Variants in SOX5 observed in about 807,000 individuals in gnomAD.
SOX5 encodes the protein transcription factor SOX-5.
In SOX5, 9 loss-of-function variants were observed where a neutral mutation model predicts 92.0. That is an observed-to-expected ratio of 0.10 (90% confidence interval 0.06 to 0.17). The LOEUF (loss-of-function observed/expected upper bound fraction) is 0.17. SOX5 is among the 10% of genes least tolerant of loss of function. The pLI is 1.00. For synonymous variants in SOX5, 344 were observed against 336.3 expected, an observed-to-expected ratio of 1.02 and a Z score of -0.25; for missense variants, 642 against 944.5, an observed-to-expected ratio of 0.68 and a Z score of 4.20.
intron 4 of SOX5, among the ~76,000 whole-genome samples, chr12:24,211,103 T>A (rs17495963): frequency 0.032 from 4,866 of 152,236 alleles, 116 homozygotes; most frequent in Middle Eastern, 0.051. Context: ...CCACTGCCCT[T>A]GCCATTCCTT....
chr12:24,287,750 G>T (rs1029314715), intron 2 of SOX5, among the ~76,000 whole-genome samples: 1 of 151,756 alleles, frequency 6.6e-6, no homozygotes, highest in African/African-American at 2.4e-5. Context: ...TTACTTAAGC[G>T]ATCTGATTTG....
At chr12:24,302,891 T>C (rs1948140733) in intron 2 of SOX5, among the ~76,000 whole-genome samples, 1 of 151,922 alleles carries the variant, frequency 6.6e-6, no homozygotes, top group Admixed American at 6.6e-5. Flanking sequence ...GAAAATGAAA[T>C]TGCTGACTTC....
chr12:23,734,782 C>T (rs568828921), intron 5 of SOX5, 30 bp from the exon 6 acceptor site: 2 of 1,585,784 alleles, frequency 1.3e-6, no homozygotes, highest in East Asian at 2.2e-5. Context: ...GAGAAATTTA[C>T]AAGTATATTG....
chr12:24,406,844 AAGG>A (rs1963067596), intron 1 of SOX5, among the ~76,000 whole-genome samples: 2 of 152,280 alleles, frequency 1.3e-5, no homozygotes, highest in South Asian at 2.1e-4. Context: ...AAAGAAACAG[AAGG>A]AGATGAAAAA....
chr12:24,479,854 C>T (rs568174751), intron 1 of SOX5, among the ~76,000 whole-genome samples: 7 of 152,062 alleles, frequency 4.6e-5, no homozygotes, highest in African/African-American at 9.6e-5. Context: ...TTAGTAGAAG[C>T]GGGGTTTTAC....
intron 2 of SOX5, among the ~76,000 whole-genome samples, chr12:23,868,164 C>T (rs2096835777): frequency 6.6e-6 from 1 of 151,594 alleles, no homozygotes; most frequent in Non-Finnish European, 1.5e-5. Context: ...ACATCACCTG[C>T]TTTTAATATT....
chr12:24,112,356 C>T (rs191379056), intron 4 of SOX5, among the ~76,000 whole-genome samples: 1 of 152,048 alleles, frequency 6.6e-6, no homozygotes, highest in African/African-American at 2.4e-5. Context: ...GCTGTAAATG[C>T]CAAAGTTAAA....
At position 24,036,803 on chromosome 12, in the gene SOX5, T is replaced by C. The variant is rs564945867; in HGVS notation, c.-1-140779A>G. Among the ~76,000 whole-genome samples the C allele has an allele frequency of 3.3e-5, 5 of 152,296 alleles. No individual in the cohort carries two copies. The South Asian group carries it at 1.0e-3, about 32-fold the overall frequency. On this transcript the variant is annotated intron_variant, in intron 4 of 4. Coordinates refer to the SOX5 transcript ENST00000446891. ...AACTAAATAATACAATATTCACATA[T>C]TGGATAACAACTTTAAAAGTTATCT...
chr12:24,139,337 T>C (rs898020593), intron 4 of SOX5, among the ~76,000 whole-genome samples: 2 of 152,100 alleles, frequency 1.3e-5, no homozygotes, highest in African/African-American at 4.8e-5. Flanking sequence ...TAAGCACCAA[T>C]AAATTTACAT....
At position 23,636,732 on chromosome 12, in the gene SOX5, G is replaced by T. The variant is rs375643309; in HGVS notation, c.1017+4080C>A. Among the ~76,000 whole-genome samples, 21 of 152,236 alleles carry T rather than the reference G, an allele frequency of 1.4e-4. 1 individual carries two copies. In the South Asian group the frequency reaches 3.7e-3, roughly 27 times the overall value. ...CTTTCATTATTGCAAAGCACACAGA[G>T]TATTTGTATTAATGTCAATTAGTCA... On this transcript the variant is annotated intron_variant, in intron 8 of 14. Coordinates refer to ENST00000451604, the MANE Select transcript of SOX5 (RefSeq NM_006940.6).
chr12:23,845,572 A>T (rs1006353868), intron 3 of SOX5, among the ~76,000 whole-genome samples: 1 of 152,204 alleles, frequency 6.6e-6, no homozygotes, highest in Non-Finnish European at 1.5e-5. Context: ...TTGACTATAC[A>T]AGAAACAGGA....
chr12:24,273,230 G>A (rs1383282963), intron 3 of SOX5, among the ~76,000 whole-genome samples: 4 of 152,176 alleles, frequency 2.6e-5, no homozygotes, highest in Non-Finnish European at 5.9e-5. Flanking sequence ...CTGCACTCCA[G>A]CCTGGGCCAC....
At chr12:24,011,574 G>T (rs1441975258) in intron 4 of SOX5, among the ~76,000 whole-genome samples, 1 of 151,892 alleles carries the variant, frequency 6.6e-6, no homozygotes. Context: ...AGCAGTTCTG[G>T]CCCATTTCTC....
At chr12:23,600,582 C>G (rs1030331993) in intron 9 of SOX5, among the ~76,000 whole-genome samples, 1 of 96,328 alleles carries the variant, frequency 1.0e-5, no homozygotes, top group Non-Finnish European at 2.1e-5. Flanking sequence ...CTAAAAAAAC[C>G]AAGGCATTGA....
chr12:23,647,383 T>C (rs998301684), intron 7 of SOX5, among the ~76,000 whole-genome samples: 3 of 152,206 alleles, frequency 2.0e-5, no homozygotes, highest in Admixed American at 1.3e-4. Context: ...TTTAGCTTAA[T>C]TCTTAAAAAA....
intron 2 of SOX5, among the ~76,000 whole-genome samples, chr12:24,324,631 G>A (rs1321016144): frequency 2.6e-5 from 4 of 151,936 alleles, no homozygotes; most frequent in Non-Finnish European, 5.9e-5. Flanking sequence ...GTAGTTAAAA[G>A]CCCAAAAGAT....
At chr12:24,402,786 CA>C (rs1285611507) in intron 1 of SOX5, among the ~76,000 whole-genome samples, 1 of 152,116 alleles carries the variant, frequency 6.6e-6, no homozygotes, top group Non-Finnish European at 1.5e-5. Context: ...TGCAGAAACA[CA>C]ATTTAGGGTC....
intron 7 of SOX5, among the ~76,000 whole-genome samples, chr12:23,657,549 C>T (rs1593014105): frequency 2.0e-5 from 3 of 152,220 alleles, no homozygotes; most frequent in Admixed American, 2.0e-4. Context: ...AACATGCTTA[C>T]TGGAGATTTC....
At chr12:24,497,632 A>G (rs1947777502) in intron 1 of SOX5, among the ~76,000 whole-genome samples, 1 of 152,222 alleles carries the variant, frequency 6.6e-6, no homozygotes, top group East Asian at 1.9e-4. Context: ...ATTGTGGAAG[A>G]CAGTGTGGTG....
Sources: gnomAD v4.1 joint callset for allele counts (sites outside exome capture counted in the v4.1 genomes callset) on GRCh38, gnomAD v4.1.1 for gene constraint, MANE v1.5 for transcripts, NCBI Gene and HGNC (gene_info 2026-07-23, HGNC 2026-07-21) for gene names.